IGFBPL1: variants seen among roughly 807,000 people sequenced by gnomAD.
IGFBPL1 encodes insulin like growth factor binding protein like 1.
IGFBPL1 carries 20 observed loss-of-function variants against 23.9 expected under a neutral mutation model. The observed-to-expected ratio is 0.84, with a 90% CI of 0.59 to 1.22. IGFBPL1 has a LOEUF of 1.22. Among genes scored for constraint, IGFBPL1 ranks in the 50% most tolerant of loss-of-function variants. IGFBPL1 has a pLI of 0.00. For missense variants in IGFBPL1, 436 were observed against 379.3 expected (o/e 1.15, Z -1.24); for synonymous variants, 184 against 171.8 (o/e 1.07, Z -0.56).
intron 4 of IGFBPL1, among the ~76,000 whole-genome samples, chr9:38,410,469 T>G (rs370283378): frequency 2.3e-5 from 3 of 132,188 alleles, no homozygotes; most frequent in Admixed American, 8.1e-5. Flanking sequence ...GGTGACAGAG[T>G]GAGACTCTGT....
In IGFBPL1 at chr9:38,416,524, A is replaced by G. The variant is rs1370745156; in HGVS notation, c.461-2321T>C. Among the ~76,000 whole-genome samples, 3 of 152,234 alleles carry G rather than the reference A, an allele frequency of 2.0e-5. No individual in the cohort carries two copies. In the East Asian group the frequency reaches 5.8e-4, roughly 29 times the overall value. On this transcript the variant is annotated intron_variant, in intron 1 of 4. Coordinates refer to ENST00000377694, the MANE Select transcript of IGFBPL1 (RefSeq NM_001007563.3). ...TATTTATTTATTTATTTTTAAATTTACACAAAGCACAATTCGTTCCTTCTG... is the reference window on the plus strand; with the variant it reads ...TATTTATTTATTTATTTTTAAATTTGCACAAAGCACAATTCGTTCCTTCTG...
chr9:38,413,520 C>A (rs1477819407), intron 2 of IGFBPL1, among the ~76,000 whole-genome samples, 167 bp from the exon 3 acceptor site: 1 of 152,216 alleles, frequency 6.6e-6, no homozygotes, highest in Non-Finnish European at 1.5e-5. Context: ...ATTTTTTAAA[C>A]CTACTTGTAC....
chr9:38,417,013 T>C (rs2118314564), intron 1 of IGFBPL1, among the ~76,000 whole-genome samples: 2 of 152,308 alleles, frequency 1.3e-5, no homozygotes, highest in East Asian at 1.9e-4. Flanking sequence ...TTTTAACATA[T>C]CTGATTTTAA....
chr9:38,414,031 T>TCACA (rs1491232049), intron 2 of IGFBPL1, 63 bp downstream of exon 2: 10 of 762,408 alleles, frequency 1.3e-5, no homozygotes, highest in Non-Finnish European at 2.0e-5. Flanking sequence ...TCTCCCTCTT[T>TCACA]CTCACACACA....
At chr9:38,420,740 G>A (rs550597262) in intron 1 of IGFBPL1, among the ~76,000 whole-genome samples, 1 of 152,318 alleles carries the variant, frequency 6.6e-6, no homozygotes, top group African/African-American at 2.4e-5. Context: ...TGGAGGCTGA[G>A]GCAGGAGAAT....
intron 1 of IGFBPL1, among the ~76,000 whole-genome samples, chr9:38,415,457 T>C (rs1821586622): frequency 6.6e-6 from 1 of 152,034 alleles, no homozygotes; most frequent in Non-Finnish European, 1.5e-5. Flanking sequence ...ACCCCAATGC[T>C]CAGGAGGATC....
chr9:38,414,253 G>A, intron 1 of IGFBPL1, 50 bp from the exon 2 acceptor site: 1 of 1,119,004 alleles, frequency 8.9e-7, no homozygotes, highest in East Asian at 2.4e-5. Context: ...AGGGTTCCAA[G>A]CAACCCACCT....
At chr9:38,409,418 A>G (rs151282763) in intron 4 of IGFBPL1, among the ~76,000 whole-genome samples, 81 of 152,318 alleles carry the variant, frequency 5.3e-4, no homozygotes, top group Non-Finnish European at 1.1e-3. Flanking sequence ...TCAAAGCAGC[A>G]GACTCCAGCT....
At chr9:38,409,288 G>A (rs1389610367) in intron 4 of IGFBPL1, 71 bp from the exon 5 acceptor site, 1 of 152,218 alleles carries the variant, frequency 6.6e-6, no homozygotes, top group East Asian at 1.9e-4. Flanking sequence ...TGTGTTACAT[G>A]GAAGGTGGGG....
chr9:38,414,344 A>G (rs978585679), intron 1 of IGFBPL1, 141 bp from the exon 2 acceptor site: 8 of 576,876 alleles, frequency 1.4e-5, no homozygotes, highest in African/African-American at 1.4e-4. Context: ...CAGGAATCCT[A>G]AAAGAGAGAT....
rs1211569774 is a variant in IGFBPL1, at chr9:38,414,153, G to A, written c.511C>T (p.Gln171Ter). The A allele has an allele frequency of 6.2e-7, 1 of 1,612,034 alleles. No individual in the cohort carries two copies. The highest frequency in any genetic ancestry group is 8.5e-7 in the Non-Finnish European group (1 of 1,179,250). Reference protein sequence around the residue: ...PRSVHNVTGAQVGLSCEVRAV... With the variant: ...PRSVHNVTGA ...CTCACTTCACAGGACAGGCCCACCTGCGCCCCGGTGACGTTGTGAACACTT... is the reference window on the plus strand; with the variant it reads ...CTCACTTCACAGGACAGGCCCACCTACGCCCCGGTGACGTTGTGAACACTT... The change falls in exon 2 of 5, where the codon CAG becomes TAG. Residue 171 changes from glutamine (Q) to a stop codon, truncating the protein, a stop_gained. Transcript: ENST00000377694. LOFTEE classifies it high-confidence loss of function.
At chr9:38,416,021 C>T (rs760708086) in intron 1 of IGFBPL1, among the ~76,000 whole-genome samples, 6 of 152,204 alleles carry the variant, frequency 3.9e-5, no homozygotes, top group South Asian at 4.1e-4. Flanking sequence ...CTGACAGCCA[C>T]AGAGAGCCAC....
chr9:38,407,020 C>T lies in IGFBPL1; in HGVS notation c.*2207G>A, dbSNP rs552463460. Among the ~76,000 whole-genome samples the T allele has an allele frequency of 5.3e-4, 81 of 152,288 alleles. No homozygotes were observed. Among genetic ancestry groups the T allele is most frequent in the African/African-American group, 1.9e-3 (78 of 41,568 alleles). On this transcript the variant is annotated 3_prime_UTR_variant, in exon 5 of 5. Coordinates refer to ENST00000377694, the MANE Select transcript of IGFBPL1 (RefSeq NM_001007563.3). ...AGAGCCACAGCATTCCTGTTCCTTC[C>T]CACATCATTTCACTAAGGGTCTGAC... is the stretch of plus-strand genomic sequence containing the variant.
chr9:38,413,466 C>A (rs979038982), intron 2 of IGFBPL1, 113 bp from the exon 3 acceptor site: 4 of 699,230 alleles, frequency 5.7e-6, no homozygotes, highest in Non-Finnish European at 1.0e-5. Context: ...GACTCAAAAA[C>A]GGAAACCCTA....
In IGFBPL1 at chr9:38,408,548, A is replaced by C. The variant is rs1294853273; in HGVS notation, c.*679T>G. On this transcript the variant is annotated 3_prime_UTR_variant, in exon 5 of 5. Transcript: ENST00000377694. ...CCCACCTAAAACTAAATCTCCTTCA[A>C]AGGGAAAAAGTTAGGAATAGAAGAG... Among the ~76,000 whole-genome samples, 1 of 152,208 alleles carries C rather than the reference A, an allele frequency of 6.6e-6. No individual in the cohort carries two copies. Among genetic ancestry groups the C allele is most frequent in the Non-Finnish European group, 1.5e-5 (1 of 68,044 alleles).
At chr9:38,423,904 C>T in intron 1 of IGFBPL1, 61 bp downstream of exon 1, 1 of 1,290,786 alleles carries the variant, frequency 7.7e-7, no homozygotes, top group Non-Finnish European at 9.8e-7. Flanking sequence ...TCCTTCGCTC[C>T]ACACCCCAGA....
At chr9:38,411,988 G>A (rs1821519694) in intron 3 of IGFBPL1, among the ~76,000 whole-genome samples, 1 of 152,112 alleles carries the variant, frequency 6.6e-6, no homozygotes, top group Non-Finnish European at 1.5e-5. Context: ...GAAAATAGAG[G>A]AATGTGCTTG....
rs755202866 is a variant in IGFBPL1, at chr9:38,413,358, A to G, written c.571-5T>C. Reference sequence around the variant, plus strand: ...GCCCTCAGGGGACTTCGTGACCTACAGGGGACAGGAATGCCAGGAGGGGGC... The same window carrying G: ...GCCCTCAGGGGACTTCGTGACCTACGGGGGACAGGAATGCCAGGAGGGGGC... On this transcript the variant is annotated splice_region_variant and splice_polypyrimidine_tract_variant and intron_variant, in intron 2 of 4. Coordinates refer to ENST00000377694, the MANE Select transcript of IGFBPL1 (RefSeq NM_001007563.3). 2 of 1,588,258 alleles carry G rather than the reference A, an allele frequency of 1.3e-6. No individual in the cohort carries two copies. The highest frequency in any genetic ancestry group is 2.2e-5 in the South Asian group (2 of 90,208).
At chr9:38,410,927 G>A (rs1821505743) in intron 4 of IGFBPL1, among the ~76,000 whole-genome samples, 1 of 152,198 alleles carries the variant, frequency 6.6e-6, no homozygotes. Flanking sequence ...ACAGTGCTGA[G>A]GACAGGAAGG....
Sources: allele counts gnomAD v4.1 joint callset (sites outside exome capture counted in the v4.1 genomes callset), GRCh38; gene constraint gnomAD v4.1.1; transcripts MANE v1.5; gene names NCBI Gene and HGNC (gene_info 2026-07-23, HGNC 2026-07-21).